The following EPHA6 variants were observed in gnomAD, a reference collection of about 807,000 sequenced individuals.
The protein encoded by EPHA6 is ephrin type-A receptor 6.
Under a neutral mutation model 112.0 loss-of-function variants are expected in EPHA6, and 50 were observed. The observed-to-expected ratio is 0.45, with a 90% CI of 0.36 to 0.56. The LOEUF is 0.56. Ranked by LOEUF, EPHA6 falls within the 20% of genes least tolerant of loss-of-function variation. The probability of loss-of-function intolerance (pLI) is 0.00; values close to 1 mark genes in which losing one functional copy is unlikely to be tolerated. For missense variants in EPHA6, 1,280 were observed against 1,417.4 expected, an observed-to-expected ratio of 0.90 and a Z score of 1.56; for synonymous variants, 529 against 490.7, an observed-to-expected ratio of 1.08 and a Z score of -1.03.
chr3:97,153,476 A>C (rs953894376), intron 3 of EPHA6, among the ~76,000 whole-genome samples: 1 of 152,156 alleles, frequency 6.6e-6, no homozygotes, highest in Non-Finnish European at 1.5e-5. Context: ...TGAACACAAC[A>C]TGAATCACTT....
chr3:97,083,858 T>C (rs932890257), intron 3 of EPHA6, among the ~76,000 whole-genome samples: 1 of 151,414 alleles, frequency 6.6e-6, no homozygotes, highest in Non-Finnish European at 1.5e-5. Flanking sequence ...GAAAAATGGG[T>C]AAATGAGGTT....
rs780244403 is a variant in EPHA6 at position 97,492,547 on chromosome 3, C to CAAAAAAAAAAAAAAAAAAAAAAAA, written c.2200+8512_2200+8535dup. 1.0e-4 allele frequency among the ~76,000 whole-genome samples: 3 copies of CAAAAAAAAAAAAAAAAAAAAAAAA among 28,940 alleles called. 1 individual carries two copies. The highest frequency in any genetic ancestry group is 7.9e-5 in the Non-Finnish European group (1 of 12,638). 19.0% of individuals were successfully genotyped at this position (28,940 alleles called of 152,430 possible). A position where few individuals can be genotyped will look rare whatever the true frequency, so the allele number is the denominator to read the frequency against. Reference sequence around the variant, plus strand: ...ACAGAGCGAGAGTGAGACTCAGTCTCAAAAAAAAAAAAAAAAAAAAAAAAA... The same window carrying CAAAAAAAAAAAAAAAAAAAAAAAA: ...ACAGAGCGAGAGTGAGACTCAGTCTCAAAAAAAAAAAAAAAAAAAAAAAAAAAAAAAAAAAAAAAAAAAAAAAAA... On this transcript the variant is annotated intron_variant, in intron 10 of 17. Transcript: ENST00000389672.
chr3:97,038,475 A>C (rs547765542), intron 3 of EPHA6, among the ~76,000 whole-genome samples: 26 of 152,256 alleles, frequency 1.7e-4, no homozygotes, highest in Admixed American at 1.6e-3. Context: ...ATGTTGCGGC[A>C]AATGACATGA....
At chr3:97,310,832 T>C (rs2081525051) in intron 5 of EPHA6, among the ~76,000 whole-genome samples, 1 of 151,742 alleles carries the variant, frequency 6.6e-6, no homozygotes, top group East Asian at 1.9e-4. Context: ...TTGAAATAGC[T>C]TAAGCAACGA....
At chr3:97,506,604 G>A (rs923441467) in intron 10 of EPHA6, among the ~76,000 whole-genome samples, 1 of 152,164 alleles carries the variant, frequency 6.6e-6, no homozygotes, top group African/African-American at 2.4e-5. Context: ...ATAGTTTGAA[G>A]TCAGGTAGCA....
intron 3 of EPHA6, among the ~76,000 whole-genome samples, chr3:97,103,756 A>G (rs893674329): frequency 6.6e-6 from 1 of 152,136 alleles, no homozygotes; most frequent in Non-Finnish European, 1.5e-5. Flanking sequence ...CATTTTAACA[A>G]TTTTGATTTC....
chr3:97,677,520 A>G (rs558848510), intron 14 of EPHA6, among the ~76,000 whole-genome samples: 1 of 152,152 alleles, frequency 6.6e-6, no homozygotes, highest in East Asian at 1.9e-4. Flanking sequence ...CAGGAGTTCA[A>G]GACCAGACTA....
intron 3 of EPHA6, among the ~76,000 whole-genome samples, chr3:97,115,627 G>A (rs145708177): frequency 6.6e-5 from 10 of 151,884 alleles, no homozygotes; most frequent in African/African-American, 2.4e-4. Flanking sequence ...AATGCCCAGA[G>A]CAAGAGAGGG....
rs1455197321 is a variant in EPHA6, at chr3:97,626,064, G to A, written c.2575-11809G>A. On this transcript the variant is annotated intron_variant, in intron 13 of 17. Transcript: ENST00000389672. ...AAGGTGAATGTTTGGAATAATTATT[G>A]AAATTAAAAAGAAAAGTAGCAGATC... 2.0e-5 allele frequency among the ~76,000 whole-genome samples: 3 copies of A among 151,730 alleles called. No individual in the cohort carries two copies. In the Admixed American group the frequency reaches 2.0e-4, roughly 10 times the overall value.
intron 3 of EPHA6, among the ~76,000 whole-genome samples, chr3:97,137,052 G>A (rs982936642): frequency 1.3e-5 from 2 of 151,962 alleles, no homozygotes; most frequent in African/African-American, 4.8e-5. Flanking sequence ...CAGATTATAA[G>A]ATCCTTTAAT....
chr3:97,442,456 C>T (rs185552124), intron 6 of EPHA6, among the ~76,000 whole-genome samples: 21 of 152,040 alleles, frequency 1.4e-4, no homozygotes, highest in Non-Finnish European at 2.2e-4. Flanking sequence ...TGTGGTGGCA[C>T]GTGCCTGTAG....
intron 3 of EPHA6, among the ~76,000 whole-genome samples, chr3:97,171,829 TC>T (rs1358269678): frequency 1.3e-5 from 2 of 151,882 alleles, no homozygotes; most frequent in African/African-American, 4.8e-5. Context: ...CAAGAGCCAA[TC>T]CGGAGTAGAA....
chr3:97,447,140 T>C (rs570327831), intron 6 of EPHA6, among the ~76,000 whole-genome samples: 35 of 152,234 alleles, frequency 2.3e-4, no homozygotes, highest in African/African-American at 6.5e-4. Flanking sequence ...ACAAGGAAGG[T>C]CATAAAGTTT....
chr3:97,562,816 C>A (rs919973300), intron 11 of EPHA6, among the ~76,000 whole-genome samples: 1 of 152,078 alleles, frequency 6.6e-6, no homozygotes, highest in Non-Finnish European at 1.5e-5. Flanking sequence ...ATTGCCACAG[C>A]CACCCCAACG....
At chr3:97,543,002 G>T (rs886878775) in intron 11 of EPHA6, among the ~76,000 whole-genome samples, 13 of 152,106 alleles carry the variant, frequency 8.5e-5, no homozygotes, top group African/African-American at 2.9e-4. Flanking sequence ...TTAGCCTTTT[G>T]TCAGATGAAT....
intron 11 of EPHA6, among the ~76,000 whole-genome samples, chr3:97,545,886 A>G (rs1248536769): frequency 6.6e-6 from 1 of 151,772 alleles, no homozygotes; most frequent in African/African-American, 2.4e-5. Context: ...TAGGATTGCA[A>G]CCCCTGCCTT....
chr3:97,279,419 A>C (rs2080212144), intron 5 of EPHA6, among the ~76,000 whole-genome samples: 1 of 152,122 alleles, frequency 6.6e-6, no homozygotes, highest in South Asian at 2.1e-4. Flanking sequence ...TTGTGACTAC[A>C]TGAAAATTTT....
intron 3 of EPHA6, among the ~76,000 whole-genome samples, chr3:97,039,107 A>T (rs2045218983): frequency 6.6e-6 from 1 of 152,048 alleles, no homozygotes; most frequent in African/African-American, 2.4e-5. Context: ...GGAAATGTTT[A>T]TCTTATTATC....
intron 7 of EPHA6, among the ~76,000 whole-genome samples, chr3:97,449,925 A>T (rs923582386): frequency 2.0e-5 from 3 of 152,126 alleles, no homozygotes; most frequent in African/African-American, 7.2e-5. Flanking sequence ...TACATTGATG[A>T]ACAGTATTCA....
Sources: allele counts gnomAD v4.1 joint callset (sites outside exome capture counted in the v4.1 genomes callset), GRCh38; gene constraint gnomAD v4.1.1; transcripts MANE v1.5; gene names NCBI Gene and HGNC (gene_info 2026-07-23, HGNC 2026-07-21).